Variants in RUFY4 observed in about 807,000 individuals in gnomAD.
RUFY4 encodes the protein RUN and FYVE domain-containing protein 4.
A neutral mutation model predicts 69.0 loss-of-function variants in RUFY4; 73 were observed. The ratio of observed to expected loss-of-function variants is 1.06; its 90% CI spans 0.88 to 1.29. The LOEUF is 1.29. RUFY4 is among the 50% of genes most tolerant of loss of function. The pLI, the probability that RUFY4 is intolerant of heterozygous loss-of-function variation, is 0.00. For missense variants in RUFY4, 770 were observed against 705.6 expected, an observed-to-expected ratio of 1.09 and a Z score of -1.03; for synonymous variants, 287 against 271.8, an observed-to-expected ratio of 1.06 and a Z score of -0.55.
chr2:218,089,329 T>C (rs1237384990), exon 10 of RUFY4: 6 of 1,613,822 alleles, frequency 3.7e-6, no homozygotes, highest in South Asian at 1.1e-5. Context: ...TGTAGCAAGA[T>C]CTTTGGCCGA....
chr2:218,035,714 T>C (rs955232897), intron 2 of RUFY4, among the ~76,000 whole-genome samples: 11 of 151,950 alleles, frequency 7.2e-5, no homozygotes, highest in East Asian at 5.8e-4. Context: ...CCAGGATCCA[T>C]TGGGAGGAGA....
chr2:218,072,321 C>A, intron 2 of RUFY4, 53 bp from the exon 5 acceptor site: 1 of 1,526,888 alleles, frequency 6.5e-7, no homozygotes, highest in Middle Eastern at 1.8e-4. Flanking sequence ...GAATGCAGGG[C>A]GTGTTCTGGG....
chr2:218,048,398 T>C (rs1468454941), intron 2 of RUFY4, among the ~76,000 whole-genome samples: 2 of 152,206 alleles, frequency 1.3e-5, no homozygotes, highest in African/African-American at 4.8e-5. Context: ...CTGTTCACCC[T>C]GTTGATAGTT....
In RUFY4 at chr2:218,061,534, T is replaced by C. The variant is rs200651329; in HGVS notation, c.-1071+2853T>C. ...GGATAGGATTCTTTGTGTTGGCTTG[T>C]ATATTACATGGAAGTAATTTTCACC... On this transcript the variant is annotated intron_variant and NMD_transcript_variant, in intron 3 of 13. Transcript: ENST00000457754. 5 of 161,612 alleles carry C rather than the reference T, an allele frequency of 3.1e-5. No homozygotes were observed. The East Asian group carries it at 7.2e-4, about 23-fold the overall frequency. 10.0% of individuals were successfully genotyped at this position (161,612 alleles called of 1,614,324 possible). A position where few individuals can be genotyped will look rare whatever the true frequency, so the allele number is the denominator to read the frequency against.
intron 2 of RUFY4, among the ~76,000 whole-genome samples, chr2:218,055,930 G>A (rs993542335): frequency 6.6e-6 from 1 of 152,280 alleles, no homozygotes. Context: ...ACAGGATAAT[G>A]CTATCATTAA....
At chr2:218,074,058 G>A in intron 6 of RUFY4, 173 bp downstream of exon 8, 3 of 676,564 alleles carry the variant, frequency 4.4e-6, no homozygotes, top group Non-Finnish European at 5.2e-6. Flanking sequence ...TGCAGAGGAG[G>A]AGAGGGCTCC....
chr2:218,045,783 A>G (rs2106028548), intron 2 of RUFY4, among the ~76,000 whole-genome samples: 1 of 150,076 alleles, frequency 6.7e-6, no homozygotes, highest in African/African-American at 2.5e-5. Context: ...CATAATAATG[A>G]TACATATTTA....
At chr2:218,075,934 T>C (rs1008026813) in intron 7 of RUFY4, among the ~76,000 whole-genome samples, 194 bp downstream of exon 9, 1 of 152,050 alleles carries the variant, frequency 6.6e-6, no homozygotes, top group African/African-American at 2.4e-5. Flanking sequence ...CCTCTCCCTA[T>C]TGCCCCACGC....
At chr2:218,072,803 C>A in exon 4 of RUFY4, 1 of 1,534,620 alleles carries the variant, frequency 6.5e-7, no homozygotes, top group Non-Finnish European at 8.7e-7. Flanking sequence ...GGGGAAAGGC[C>A]GTGCCTTCAT....
chr2:218,079,506 C>A (rs945688850), intron 8 of RUFY4, among the ~76,000 whole-genome samples: 1 of 152,100 alleles, frequency 6.6e-6, no homozygotes, highest in Admixed American at 6.5e-5. Context: ...GAACACGTTA[C>A]GTTTGAGATA....
intron 8 of RUFY4, among the ~76,000 whole-genome samples, chr2:218,081,676 G>A (rs1427320404): frequency 6.6e-6 from 1 of 152,158 alleles, no homozygotes; most frequent in African/African-American, 2.4e-5. Flanking sequence ...AACTGGCTCA[G>A]GAAAATTAAA....
chr2:218,055,097 T>G (rs530021455), intron 2 of RUFY4, among the ~76,000 whole-genome samples: 12 of 152,112 alleles, frequency 7.9e-5, no homozygotes, highest in South Asian at 2.1e-4. Context: ...AAAAAAATAA[T>G]AAGAAGAAGA....
At chr2:218,063,774 C>T (rs3181213) in intron 3 of RUFY4, among the ~76,000 whole-genome samples, 26,943 of 151,980 alleles carry the variant, frequency 0.18, 3,345 homozygotes, top group African/African-American at 0.35. Context: ...AGCAGGGAGG[C>T]GGGGCCCCTG....
intron 2 of RUFY4, among the ~76,000 whole-genome samples, chr2:218,050,984 T>C (rs1045994591): frequency 2.6e-5 from 4 of 152,176 alleles, no homozygotes; most frequent in Non-Finnish European, 5.9e-5. Context: ...AATCTTGAAG[T>C]TATGTTAAAG....
intron 2 of RUFY4, among the ~76,000 whole-genome samples, chr2:218,041,573 G>A (rs73082330): frequency 0.088 from 13,309 of 150,446 alleles, 1,822 homozygotes; most frequent in African/African-American, 0.3. Context: ...TTATAGGTTG[G>A]ACACAGAAGT....
rs554406228 is a variant in RUFY4 at position 218,035,857 on chromosome 2, A to C, written c.-1158+463A>C. 3.3e-3 allele frequency among the ~76,000 whole-genome samples: 508 copies of C among 152,266 alleles called. 1 individual carries two copies. The highest frequency in any genetic ancestry group is 5.8e-3 in the Admixed American group (88 of 15,298). Reference sequence around the variant, plus strand: ...TGCAACCTCTCCTCAAAGAACACACATTTCCATTCAGCTGGGGCCCAGGAA... The same window carrying C: ...TGCAACCTCTCCTCAAAGAACACACCTTTCCATTCAGCTGGGGCCCAGGAA... On this transcript the variant is annotated intron_variant and NMD_transcript_variant, in intron 2 of 13. Transcript: ENST00000457754.
Position 218,075,578 on chromosome 2 carries a change from G to A in RUFY4, c.1086G>A (p.Arg362=), listed in dbSNP as rs749235043. The change falls in exon 7 of 11, where the codon AGG becomes AGA. Residue 362 remains arginine (R), a synonymous_variant. Transcript: ENST00000344321. ...TAGAGGGAGCAGTATCAGGGAGCAG[G>A]CAGGGGTCGGGGGGCTCTAGCATCC... 4 of 1,525,746 alleles carry A rather than the reference G, an allele frequency of 2.6e-6. No homozygotes were observed. The South Asian group carries it at 5.3e-5, about 20-fold the overall frequency. 94.5% of individuals were successfully genotyped at this position (1,525,746 alleles called of 1,614,324 possible).
At position 218,075,001 on chromosome 2, in the gene RUFY4, G is replaced by A. The variant is rs1689588419; in HGVS notation, c.601-92G>A. 10 of 1,326,202 alleles carry A rather than the reference G, an allele frequency of 7.5e-6. No individual in the cohort carries two copies. The South Asian group carries it at 1.6e-4, about 21-fold the overall frequency. The allele number at this position is 1,326,202 out of a possible 1,614,324, so 82.2% of individuals were successfully genotyped here. On this transcript the variant is annotated intron_variant, in intron 6 of 10. Transcript: ENST00000344321. ...GACCTGGTACCTATCTATTTAGCAA[G>A]CTGATTAGATTAGCACTGTGGCCTA...
chr2:218,039,896 C>A (rs538911145), intron 2 of RUFY4, among the ~76,000 whole-genome samples: 1 of 152,332 alleles, frequency 6.6e-6, no homozygotes, highest in African/African-American at 2.4e-5. Flanking sequence ...CTCAAAGCAG[C>A]CTGAAAAGTA....
Sources: allele counts gnomAD v4.1 joint callset (sites outside exome capture counted in the v4.1 genomes callset), GRCh38; gene constraint gnomAD v4.1.1; transcripts MANE v1.5; gene names NCBI Gene and HGNC (gene_info 2026-07-23, HGNC 2026-07-21).